The following CAMK1D variants were observed in gnomAD, a reference collection of about 807,000 sequenced individuals.
CAMK1D encodes the protein calcium/calmodulin dependent protein kinase ID.
CAMK1D carries 9 observed loss-of-function variants against 47.7 expected under a neutral mutation model. The ratio of observed to expected loss-of-function variants is 0.19; its 90% CI spans 0.11 to 0.33. CAMK1D has a LOEUF of 0.33. Ranked by LOEUF, CAMK1D falls within the 10% of genes least tolerant of loss-of-function variation. The pLI is 1.00. For missense variants in CAMK1D, 291 were observed against 488.7 expected (o/e 0.60, Z 3.81); for synonymous variants, 184 against 184.9 (o/e 0.99, Z 0.04).
intron 1 of CAMK1D, among the ~76,000 whole-genome samples, chr10:12,423,179 A>T (rs1039931229): frequency 2.0e-5 from 3 of 152,096 alleles, no homozygotes; most frequent in South Asian, 4.2e-4. Context: ...TATCCATCTC[A>T]TCTAATATTA....
At chr10:12,738,380 GGACACGT>G (rs1835273395) in intron 3 of CAMK1D, among the ~76,000 whole-genome samples, 1 of 152,182 alleles carries the variant, frequency 6.6e-6, no homozygotes, top group East Asian at 1.9e-4. Flanking sequence ...TGGGAGTGAA[GGACACGT>G]GAGCTCTTTC....
At chr10:12,530,558 T>G (rs1194873449) in intron 1 of CAMK1D, among the ~76,000 whole-genome samples, 1 of 152,156 alleles carries the variant, frequency 6.6e-6, no homozygotes, top group Non-Finnish European at 1.5e-5. Context: ...GTCTAACCAA[T>G]GGAGAAGTAC....
At chr10:12,589,006 A>G (rs1402167696) in intron 2 of CAMK1D, among the ~76,000 whole-genome samples, 2 of 151,976 alleles carry the variant, frequency 1.3e-5, no homozygotes, top group African/African-American at 2.4e-5. Context: ...GACACATTAT[A>G]TACACACATA....
intron 1 of CAMK1D, among the ~76,000 whole-genome samples, chr10:12,359,337 A>AAT (rs1564291586): frequency 1.3e-5 from 2 of 152,122 alleles, no homozygotes; most frequent in African/African-American, 4.8e-5. Context: ...CTCAGAGGCC[A>AAT]TTTCCACAGA....
chr10:12,751,846 A>T (rs1279360578), intron 3 of CAMK1D, among the ~76,000 whole-genome samples: 3 of 152,212 alleles, frequency 2.0e-5, no homozygotes, highest in African/African-American at 7.2e-5. Flanking sequence ...AGGGCTGCTG[A>T]TAGAAAGTAA....
chr10:12,430,366 G>C (rs564020596), intron 1 of CAMK1D, among the ~76,000 whole-genome samples: 46 of 152,348 alleles, frequency 3.0e-4, no homozygotes, highest in African/African-American at 1.1e-3. Flanking sequence ...GGCTTGCACG[G>C]AACAGGTCTG....
At chr10:12,353,252 C>T (rs554074228) in intron 1 of CAMK1D, among the ~76,000 whole-genome samples, 3 of 152,256 alleles carry the variant, frequency 2.0e-5, no homozygotes, top group South Asian at 2.1e-4. Context: ...CAAAGTATGC[C>T]GCAGTTCCAG....
At chr10:12,714,930 C>T (rs922488138) in intron 3 of CAMK1D, among the ~76,000 whole-genome samples, 8 of 151,986 alleles carry the variant, frequency 5.3e-5, no homozygotes, top group African/African-American at 1.7e-4. Flanking sequence ...ATCATTACTT[C>T]GAATATTTGT....
chr10:12,498,708 G>C (rs1233318377), intron 1 of CAMK1D, among the ~76,000 whole-genome samples: 2 of 152,088 alleles, frequency 1.3e-5, no homozygotes, highest in Non-Finnish European at 1.5e-5. Context: ...GAGTGACGGG[G>C]AAGCAGACCT....
At chr10:12,463,561 A>G (rs1174712062) in intron 1 of CAMK1D, among the ~76,000 whole-genome samples, 1 of 152,072 alleles carries the variant, frequency 6.6e-6, no homozygotes, top group Admixed American at 6.6e-5. Context: ...TTAAGTAAAC[A>G]TGAATTCATA....
rs866789616 is a variant in CAMK1D, at chr10:12,833,989, C to T, written c.*5102C>T. The T allele has an allele frequency of 8.6e-5, 13 of 151,348 alleles. No individual in the cohort carries two copies. The highest frequency in any genetic ancestry group is 3.2e-3 in the Middle Eastern group (1 of 312). 9.4% of individuals were successfully genotyped at this position (151,348 alleles called of 1,614,324 possible). A position where few individuals can be genotyped will look rare whatever the true frequency, so the allele number is the denominator to read the frequency against. On this transcript the variant is annotated 3_prime_UTR_variant, in exon 11 of 11. Coordinates refer to ENST00000619168, the MANE Select transcript of CAMK1D (RefSeq NM_153498.4). ...CCACCCTTTTGAGGGGCACCTGGTC[C>T]TCGGTTGGGGCTGCAGGTGTGCCTG...
At chr10:12,778,389 A>G (rs963459256) in intron 5 of CAMK1D, among the ~76,000 whole-genome samples, 1 of 152,150 alleles carries the variant, frequency 6.6e-6, no homozygotes, top group Non-Finnish European at 1.5e-5. Context: ...CACCCTTTGC[A>G]AGGACTGTGG....
At chr10:12,412,455 C>CAAAAAAA (rs1180559333) in intron 1 of CAMK1D, among the ~76,000 whole-genome samples, 1 of 118,702 alleles carries the variant, frequency 8.4e-6, no homozygotes, top group East Asian at 2.4e-4. Flanking sequence ...ACTAAAAATA[C>CAAAAAAA]AAAAAAAAAA....
intron 2 of CAMK1D, among the ~76,000 whole-genome samples, chr10:12,605,556 C>T (rs1838433240): frequency 6.6e-6 from 1 of 152,096 alleles, no homozygotes; most frequent in South Asian, 2.1e-4. Context: ...GGCTCTTCGC[C>T]ACCCTCTTCT....
intron 1 of CAMK1D, among the ~76,000 whole-genome samples, chr10:12,541,801 TCAAGC>T (rs1431421288): frequency 6.6e-6 from 1 of 152,032 alleles, no homozygotes; most frequent in South Asian, 2.1e-4. Flanking sequence ...CTAGACGGTC[TCAAGC>T]CAAGTACCAC....
At chr10:12,416,580 C>T (rs1839856956) in intron 1 of CAMK1D, among the ~76,000 whole-genome samples, 1 of 152,160 alleles carries the variant, frequency 6.6e-6, no homozygotes, top group Non-Finnish European at 1.5e-5. Context: ...GCAGAAAAAT[C>T]CCACAGTTGT....
intron 1 of CAMK1D, among the ~76,000 whole-genome samples, chr10:12,363,294 G>A (rs1255162522): frequency 1.3e-5 from 2 of 150,554 alleles, no homozygotes; most frequent in African/African-American, 4.9e-5. Context: ...TTGCTCTGTT[G>A]CCCTGGCTGG....
intron 8 of CAMK1D, among the ~76,000 whole-genome samples, chr10:12,816,590 G>C (rs114306153): frequency 2.0e-5 from 3 of 152,060 alleles, no homozygotes; most frequent in African/African-American, 7.2e-5. Context: ...CATACCAGAG[G>C]CCAGGCATGG....
chr10:12,719,310 G>C (rs563632560), intron 3 of CAMK1D, among the ~76,000 whole-genome samples: 1 of 152,160 alleles, frequency 6.6e-6, no homozygotes, highest in African/African-American at 2.4e-5. Flanking sequence ...GGGAGGCTGA[G>C]GCAGGAGGAT....
Sources: allele counts gnomAD v4.1 joint callset (sites outside exome capture counted in the v4.1 genomes callset), GRCh38; gene constraint gnomAD v4.1.1; transcripts MANE v1.5; gene names NCBI Gene and HGNC (gene_info 2026-07-23, HGNC 2026-07-21).